Variants in DPY19L1 observed in about 807,000 individuals in gnomAD.
DPY19L1 encodes dpy-19 like C-mannosyltransferase 1.
A neutral mutation model predicts 96.9 loss-of-function variants in DPY19L1; 35 were observed. The ratio of observed to expected loss-of-function variants is 0.36; its 90% confidence interval spans 0.28 to 0.48. The LOEUF is 0.48. Ranked by LOEUF, DPY19L1 falls within the 20% of genes least tolerant of loss-of-function variation. The pLI, the probability that DPY19L1 is intolerant of heterozygous loss-of-function variation, is 0.99. For synonymous variants in DPY19L1, 205 were observed against 252.6 expected, an observed-to-expected ratio of 0.81 and a Z score of 1.79; for missense variants, 521 against 777.9, an observed-to-expected ratio of 0.67 and a Z score of 3.93.
chr7:35,029,519 G>A (rs1489639371), intron 1 of DPY19L1, among the ~76,000 whole-genome samples: 1 of 152,144 alleles, frequency 6.6e-6, no homozygotes, highest in Admixed American at 6.5e-5. Context: ...GGTAAGATAT[G>A]CATTCCCCTC....
intron 19 of DPY19L1, among the ~76,000 whole-genome samples, chr7:34,939,896 G>A (rs1423285369): frequency 6.6e-6 from 1 of 152,140 alleles, no homozygotes; most frequent in African/African-American, 2.4e-5. Flanking sequence ...ATTTATGACT[G>A]TGAATAAATT....
chr7:34,989,608 A>G (rs79204773), intron 7 of DPY19L1, among the ~76,000 whole-genome samples: 29,786 of 151,532 alleles, frequency 0.2, 3,302 homozygotes, highest in Admixed American at 0.35. Context: ...GCAACAAAAA[A>G]AGACACTGCC....
chr7:34,966,024 A>G (rs537184204), intron 10 of DPY19L1, among the ~76,000 whole-genome samples: 1 of 151,628 alleles, frequency 6.6e-6, no homozygotes, highest in Non-Finnish European at 1.5e-5. Flanking sequence ...TCTTTCTTCT[A>G]AAATCTTTTT....
At chr7:34,990,640 A>G (rs1018603397) in intron 6 of DPY19L1, among the ~76,000 whole-genome samples, 1 of 152,228 alleles carries the variant, frequency 6.6e-6, no homozygotes, top group African/African-American at 2.4e-5. Flanking sequence ...TAGTTCTAAC[A>G]ATTAACCTTC....
At chr7:34,959,185 G>A (rs1188042671) in intron 10 of DPY19L1, among the ~76,000 whole-genome samples, 1 of 152,212 alleles carries the variant, frequency 6.6e-6, no homozygotes. Context: ...ATGCCAGTTA[G>A]AATGGCGATC....
intron 1 of DPY19L1, among the ~76,000 whole-genome samples, chr7:35,034,736 A>G (rs1786344467): frequency 6.6e-6 from 1 of 152,202 alleles, no homozygotes. Flanking sequence ...TTACAAAATT[A>G]CTTTCTAAAT....
At chr7:34,977,983 T>C (rs563202223) in intron 7 of DPY19L1, among the ~76,000 whole-genome samples, 20 of 152,242 alleles carry the variant, frequency 1.3e-4, no homozygotes, top group South Asian at 6.2e-4. Flanking sequence ...ACTGTGTAGA[T>C]ATTAATAGGC....
rs182507205 is a variant in DPY19L1 at position 34,931,749 on chromosome 7, T to C, written c.2091-20A>G. 805 of 1,574,664 alleles carry C rather than the reference T, an allele frequency of 5.1e-4. 5 individuals carry two copies. In the African/African-American group the frequency reaches 0.01, roughly 20 times the overall value. ...CCAGGCCTAGAAAAATGAATGTACA[T>C]GTTAAAAATCAATATGCATTATATA... is the stretch of plus-strand genomic sequence containing the variant. On this transcript the variant is annotated intron_variant, in intron 21 of 21. Coordinates refer to ENST00000638088, the MANE Select transcript of DPY19L1 (RefSeq NM_001366673.1).
chr7:34,959,753 T>C (rs950278618), intron 10 of DPY19L1, among the ~76,000 whole-genome samples: 1 of 151,448 alleles, frequency 6.6e-6, no homozygotes, highest in Non-Finnish European at 1.5e-5. Flanking sequence ...TTAGGAGAAA[T>C]ACCTAATGTA....
At chr7:34,957,233 C>G (rs1784397932) in intron 11 of DPY19L1, among the ~76,000 whole-genome samples, 1 of 152,058 alleles carries the variant, frequency 6.6e-6, no homozygotes, top group Non-Finnish European at 1.5e-5. Flanking sequence ...AAATACAAAA[C>G]TAGCCGGGCA....
At chr7:35,026,244 A>G (rs1391037713) in intron 1 of DPY19L1, among the ~76,000 whole-genome samples, 4 of 152,172 alleles carry the variant, frequency 2.6e-5, no homozygotes, top group Admixed American at 1.3e-4. Context: ...TAATTGTATC[A>G]CCTGGGAGTA....
chr7:35,016,939 C>A (rs1785863656), intron 3 of DPY19L1, among the ~76,000 whole-genome samples: 1 of 148,676 alleles, frequency 6.7e-6, no homozygotes, highest in African/African-American at 2.5e-5. Context: ...TTAAGATACA[C>A]ATCAACTAAA....
At chr7:34,952,836 A>AT (rs1235487909) in intron 13 of DPY19L1, among the ~76,000 whole-genome samples, 1 of 152,202 alleles carries the variant, frequency 6.6e-6, no homozygotes, top group Admixed American at 6.5e-5. Flanking sequence ...AAAAACACTC[A>AT]TATCAGGTTC....
Position 35,018,615 on chromosome 7 carries a change from TTAAATTAGAATTTTAGCATAAA to T in DPY19L1, c.299-41_299-20del. The T allele has an allele frequency of 6.2e-7, 1 of 1,603,950 alleles. No individual in the cohort carries two copies. Among genetic ancestry groups the T allele is most frequent in the Non-Finnish European group, 8.5e-7 (1 of 1,174,500 alleles). On this transcript the variant is annotated intron_variant, in intron 1 of 21. Transcript: ENST00000638088. ...AAAACAGCTGTAAGAAAAAAGAAAT[TTAAATTAGAATTTTAGCATAAA>T]CATGTTCATCTTACAGAAAAGCCAT...
At chr7:34,953,706 C>CTGAA (rs1425805045) in intron 13 of DPY19L1, among the ~76,000 whole-genome samples, 9 of 96,082 alleles carry the variant, frequency 9.4e-5, no homozygotes, top group South Asian at 8.5e-4. Context: ...ACAGGAGGTA[C>CTGAA]TGAATGAATG....
intron 10 of DPY19L1, among the ~76,000 whole-genome samples, chr7:34,958,483 C>T (rs1295261678): frequency 1.3e-5 from 2 of 152,164 alleles, no homozygotes; most frequent in African/African-American, 2.4e-5. Flanking sequence ...CCGAATACTG[C>T]GAAACACTTA....
At chr7:34,953,178 T>C (rs1444939600) in intron 13 of DPY19L1, among the ~76,000 whole-genome samples, 3 of 152,204 alleles carry the variant, frequency 2.0e-5, no homozygotes, top group Admixed American at 6.5e-5. Flanking sequence ...TGCCACTATC[T>C]TCCTTTAACC....
intron 6 of DPY19L1, among the ~76,000 whole-genome samples, chr7:35,005,140 G>A (rs1221313204): frequency 1.3e-5 from 2 of 151,980 alleles, no homozygotes; most frequent in Non-Finnish European, 2.9e-5. Flanking sequence ...CTTATTTTAG[G>A]CAAAGGAATT....
At chr7:35,033,688 GT>G (rs1786318362) in intron 1 of DPY19L1, among the ~76,000 whole-genome samples, 1 of 152,080 alleles carries the variant, frequency 6.6e-6, no homozygotes, top group African/African-American at 2.4e-5. Flanking sequence ...CCCCCATCTA[GT>G]CCCCAACAGC....
Sources: gnomAD v4.1 joint callset for allele counts (sites outside exome capture counted in the v4.1 genomes callset) on GRCh38, gnomAD v4.1.1 for gene constraint, MANE v1.5 for transcripts, NCBI Gene and HGNC (gene_info 2026-07-23, HGNC 2026-07-21) for gene names.